CYREN: variants seen among roughly 807,000 people sequenced by gnomAD.
CYREN encodes cell cycle regulator of NHEJ.
Under a neutral mutation model 9.7 loss-of-function variants are expected in CYREN, and 7 were observed. That is an observed-to-expected ratio of 0.72 (90% confidence interval 0.41 to 1.36). The LOEUF (loss-of-function observed/expected upper bound fraction) is 1.36, where lower values mean the gene tolerates loss of function less well. CYREN is among the 40% of genes most tolerant of loss of function. The pLI is 0.01. For missense variants in CYREN, 215 were observed against 198.1 expected, an observed-to-expected ratio of 1.09 and a Z score of -0.51; for synonymous variants, 76 against 77.9, an observed-to-expected ratio of 0.98 and a Z score of 0.13.
chr7:135,128,801 A>G, intron 2 of CYREN: 2 of 1,192,388 alleles, frequency 1.7e-6, no homozygotes, highest in Non-Finnish European at 2.5e-6. Context: ...GATACAGACC[A>G]AGAGGAAACT....
intron 2 of CYREN, among the ~76,000 whole-genome samples, chr7:135,098,664 C>T (rs150095245): frequency 9.2e-4 from 140 of 152,222 alleles, no homozygotes; most frequent in African/African-American, 3.2e-3. Context: ...AAGGGAATTT[C>T]GCATTTAAGT....
intron 2 of CYREN, among the ~76,000 whole-genome samples, chr7:135,110,350 G>T (rs1825446771): frequency 6.6e-6 from 1 of 152,172 alleles, no homozygotes; most frequent in African/African-American, 2.4e-5. Flanking sequence ...TTCCCACTTT[G>T]CTGGAGTTGC....
intron 2 of CYREN, among the ~76,000 whole-genome samples, chr7:135,108,596 G>T (rs1192621853): frequency 1.3e-5 from 2 of 152,106 alleles, no homozygotes; most frequent in Non-Finnish European, 2.9e-5. Flanking sequence ...TCCCTTTGTA[G>T]GTGACCTGCC....
rs1022476899 is a variant in CYREN at position 135,151,279 on chromosome 7, T to C, written n.356+17470A>G. ...GTTGAAAAACACTGCAGTAGCCCTGTTTTGAAAAGAATTAGAACCTGGACT... is the reference window on the plus strand; with the variant it reads ...GTTGAAAAACACTGCAGTAGCCCTGCTTTGAAAAGAATTAGAACCTGGACT... On this transcript the variant is annotated intron_variant and non_coding_transcript_variant, in intron 2 of 2. Transcript: ENST00000459937. The surrounding 1 kb of genome is among the most constrained non-coding windows in gnomAD (Gnocchi z 4.3). Among the ~76,000 whole-genome samples, 3 of 152,224 alleles carry C rather than the reference T, an allele frequency of 2.0e-5. No homozygotes were observed. Among genetic ancestry groups the C allele is most frequent in the African/African-American group, 7.2e-5 (3 of 41,448 alleles).
At chr7:135,135,409 C>A (rs1273237875) in intron 2 of CYREN, 1 of 526,178 alleles carries the variant, frequency 1.9e-6, no homozygotes, top group Non-Finnish European at 3.0e-6. Flanking sequence ...TTAGATATCC[C>A]ATCTTCTGTA....
In CYREN at chr7:135,141,327, T is replaced by A. The variant is rs530884555; in HGVS notation, n.356+27422A>T. Among the ~76,000 whole-genome samples, 3 of 152,236 alleles carry A rather than the reference T, an allele frequency of 2.0e-5. No individual in the cohort carries two copies. The East Asian group carries it at 5.8e-4, about 29-fold the overall frequency. On this transcript the variant is annotated intron_variant and non_coding_transcript_variant, in intron 2 of 2. Coordinates refer to the CYREN transcript ENST00000459937. Reference sequence around the variant, plus strand: ...GAATTTATCCATTTCTTCTAGGTTTTCTAGTTTGTATGCATACAGTCATTC... The same window carrying A: ...GAATTTATCCATTTCTTCTAGGTTTACTAGTTTGTATGCATACAGTCATTC...
chr7:135,115,816 G>T, intron 2 of CYREN: 1 of 493,144 alleles, frequency 2.0e-6, no homozygotes, highest in South Asian at 3.3e-5. Flanking sequence ...TTATTTAATT[G>T]ATTATTTGCA....
At chr7:135,143,610 G>C (rs1319187807) in intron 2 of CYREN, among the ~76,000 whole-genome samples, 4 of 152,070 alleles carry the variant, frequency 2.6e-5, no homozygotes, top group Admixed American at 1.3e-4. Context: ...ATTTTCCTGT[G>C]AACCTAAAAC....
intron 2 of CYREN, among the ~76,000 whole-genome samples, chr7:135,139,526 T>C (rs1182302088): frequency 6.6e-6 from 1 of 152,108 alleles, no homozygotes; most frequent in East Asian, 1.9e-4. Context: ...TTCTATAGGC[T>C]GTTTACTGTG....
chr7:135,132,689 C>T (rs766896110), intron 2 of CYREN, among the ~76,000 whole-genome samples: 6 of 152,054 alleles, frequency 3.9e-5, no homozygotes, highest in South Asian at 2.1e-4. Context: ...TCAGGAGATC[C>T]GATGGTTTTA....
chr7:135,152,915 G>A (rs1393948263), intron 2 of CYREN: 1 of 152,226 alleles, frequency 6.6e-6, no homozygotes, highest in Non-Finnish European at 1.5e-5. Flanking sequence ...GCCCGATGGG[G>A]AAGGGGCTGC....
chr7:135,099,725 A>G (rs10237727), intron 2 of CYREN, among the ~76,000 whole-genome samples: 3,128 of 152,204 alleles, frequency 0.021, 119 homozygotes, highest in African/African-American at 0.07. Flanking sequence ...TCTACATAGT[A>G]TCTGTGACTA....
intron 2 of CYREN, among the ~76,000 whole-genome samples, chr7:135,114,415 A>G (rs1826036427): frequency 1.3e-5 from 2 of 152,154 alleles, no homozygotes. Context: ...TGAGATAAAC[A>G]TTTTTTAAAA....
intron 2 of CYREN, among the ~76,000 whole-genome samples, chr7:135,124,922 G>A (rs1827651764): frequency 1.3e-5 from 2 of 152,158 alleles, no homozygotes; most frequent in African/African-American, 4.8e-5. Flanking sequence ...GAAATTTATG[G>A]CACTAAACAC....
At chr7:135,170,525 G>A (rs1830589998) in intron 1 of CYREN, 127 bp downstream of exon 1, 1 of 152,344 alleles carries the variant, frequency 6.6e-6, no homozygotes, top group African/African-American at 2.4e-5. Flanking sequence ...GAGCGGCCGC[G>A]CGCTCCTCCG....
upstream of CYREN, among the ~76,000 whole-genome samples, chr7:135,171,761 G>A (rs1168618097): frequency 3.4e-5 from 5 of 145,258 alleles, no homozygotes; most frequent in Non-Finnish European, 6.1e-5. Flanking sequence ...TCCCTGACCA[G>A]GAAGCGAGGT....
At chr7:135,153,929 G>C (rs536304932) in intron 2 of CYREN, among the ~76,000 whole-genome samples, 1 of 152,204 alleles carries the variant, frequency 6.6e-6, no homozygotes, top group African/African-American at 2.4e-5. Context: ...GTTTTTCTTT[G>C]TATGTTTGGT....
chr7:135,171,244 A>G (rs944345999), upstream of CYREN, among the ~76,000 whole-genome samples: 2 of 152,250 alleles, frequency 1.3e-5, no homozygotes, highest in African/African-American at 4.8e-5. Flanking sequence ...AAAGAATTTC[A>G]GCCCTCCGAA....
At chr7:135,150,849 G>A (rs924903071) in intron 2 of CYREN, among the ~76,000 whole-genome samples, 2 of 152,162 alleles carry the variant, frequency 1.3e-5, no homozygotes, top group Non-Finnish European at 2.9e-5. Context: ...GAGCAAGACT[G>A]TCTCAAACAA....
Sources: gnomAD v4.1 joint callset for allele counts (sites outside exome capture counted in the v4.1 genomes callset) on GRCh38, gnomAD v4.1.1 for gene constraint, Gnocchi (gnomAD v3.1) non-coding constraint, MANE v1.5 for transcripts, NCBI Gene and HGNC (gene_info 2026-07-23, HGNC 2026-07-21) for gene names.